The following DENND3 variants were observed in gnomAD, a reference collection of about 807,000 sequenced individuals.
DENND3 encodes DENN domain containing 3, also known as DENN domain-containing protein 3.
A neutral mutation model predicts 135.1 loss-of-function variants in DENND3; 88 were observed. The observed-to-expected ratio is 0.65, with a 90% confidence interval of 0.55 to 0.78. The LOEUF is 0.78. DENND3 is among the 30% of genes least tolerant of loss of function. The pLI is 0.00. For missense variants in DENND3, 1,392 were observed against 1,688.4 expected, an observed-to-expected ratio of 0.82 and a Z score of 3.08; for synonymous variants, 693 against 712.3, an observed-to-expected ratio of 0.97 and a Z score of 0.43.
chr8:141,145,996 G>A (rs1378225534), intron 5 of DENND3, among the ~76,000 whole-genome samples: 1 of 151,164 alleles, frequency 6.6e-6, no homozygotes, highest in Non-Finnish European at 1.5e-5. Flanking sequence ...TTACAGGCGC[G>A]TGCCACCACG....
rs994155182 is a variant in DENND3, at chr8:141,168,059, T to C, written c.1809T>C (p.Phe603=). ...PYTFKIPEIH[F]PLESKCVQAY... ...CATTCAAGATTCCCGAAATCCACTT[T>C]CCGCTGGAGAGCAAGTGCGTGCAGG... The change falls in exon 13 of 23, where the codon TTT becomes TTC. Residue 603 remains phenylalanine, a synonymous_variant. Coordinates refer to ENST00000519811, the MANE Select transcript of DENND3 (RefSeq NM_001352890.3). This position sits in a 1 kb window ranked among gnomAD's most constrained non-coding sequence, Gnocchi z 6.2. 2 of 1,613,908 alleles carry C rather than the reference T, an allele frequency of 1.2e-6. No homozygotes were observed. The highest frequency in any genetic ancestry group is 1.7e-6 in the Non-Finnish European group (2 of 1,179,950).
chr8:141,185,036 G>A, intron 17 of DENND3, 103 bp from the exon 18 acceptor site: 1 of 1,451,198 alleles, frequency 6.9e-7, no homozygotes, highest in Non-Finnish European at 9.3e-7. Flanking sequence ...CATGGGCCTG[G>A]CGCTTAGGAG....
chr8:141,189,143 C>G lies in DENND3; in HGVS notation c.3242C>G (p.Pro1081Arg), dbSNP rs202027868. 1.6e-5 allele frequency: 26 copies of G among 1,614,030 alleles called. No individual in the cohort carries two copies. Among genetic ancestry groups the G allele is most frequent in the Non-Finnish European group, 2.2e-5 (26 of 1,180,006 alleles). Reference sequence around the variant, plus strand: ...ATTGTGCAGGACGGACAGGAGGCACCCAGGTGCAGTAAGCTCTGCTGGGGA... The same window carrying G: ...ATTGTGCAGGACGGACAGGAGGCACGCAGGTGCAGTAAGCTCTGCTGGGGA... ...DLIVQDGQEA[P>R]SNVYSCSMDG... Residue 1081 changes from proline (P) to arginine (R), a missense_variant, in exon 19 of 23, where the codon CCC (proline) becomes CGC (arginine). Transcript: ENST00000519811.
In DENND3 at chr8:141,157,412, A is replaced by G. The variant is rs192024073; in HGVS notation, c.1196+1442A>G. 1.2e-4 allele frequency: 121 copies of G among 985,444 alleles called. 1 individual carries two copies. In the African/African-American group the frequency reaches 2.0e-3, roughly 16 times the overall value. 61.0% of individuals were successfully genotyped at this position (985,444 alleles called of 1,614,324 possible). On this transcript the variant is annotated intron_variant, in intron 8 of 22. Transcript: ENST00000519811. ...CTTCAGCATTTTATAAAATGATAGCAGGAGGAGAGATCCTGCTCTTGAGTC... is the reference window on the plus strand; with the variant it reads ...CTTCAGCATTTTATAAAATGATAGCGGGAGGAGAGATCCTGCTCTTGAGTC...
chr8:141,158,907 C>T (rs150842860), intron 8 of DENND3, among the ~76,000 whole-genome samples: 76 of 152,348 alleles, frequency 5.0e-4, no homozygotes, highest in African/African-American at 1.7e-3. Context: ...ACCCCACTGT[C>T]CCTGCACCAG....
chr8:141,190,834 G>A (rs982563215), intron 20 of DENND3, among the ~76,000 whole-genome samples: 1 of 152,238 alleles, frequency 6.6e-6, no homozygotes, highest in Non-Finnish European at 1.5e-5. Context: ...CCCCTCGGCT[G>A]CTTGGCACAG....
intron 1 of DENND3, among the ~76,000 whole-genome samples, chr8:141,129,451 C>T (rs555572570): frequency 2.9e-4 from 44 of 152,282 alleles, no homozygotes; most frequent in Middle Eastern, 3.4e-3. Context: ...ATCTCTGCAC[C>T]CTCGCAGCCA....
In DENND3 at chr8:141,146,331, G is replaced by T. The variant is rs1818134833; in HGVS notation, c.735+2072G>T. 6.6e-6 allele frequency among the ~76,000 whole-genome samples: 1 copy of T among 152,230 alleles called. No individual in the cohort carries two copies. Among genetic ancestry groups the T allele is most frequent in the African/African-American group, 2.4e-5 (1 of 41,450 alleles). On this transcript the variant is annotated intron_variant, in intron 5 of 22. Transcript: ENST00000519811. The surrounding 1 kb of genome is among the most constrained non-coding windows in gnomAD (Gnocchi z 4.3). ...GCGATTTCAAGACACAGGGTTTGGG[G>T]TTAAGTGAAGCTGGAGATGTGGCTG...
Position 141,138,886 on chromosome 8 carries a change from C to T in DENND3, c.501+749C>T, listed in dbSNP as rs373043867. Among the ~76,000 whole-genome samples the T allele has an allele frequency of 3.9e-5, 6 of 152,168 alleles. No individual in the cohort carries two copies. The highest frequency in any genetic ancestry group is 6.5e-5 in the Admixed American group (1 of 15,276). ...TTGGATGGACCACATTTTATTTCTC[C>T]GTGTATCCGTCGATGGACCTGTGGG... On this transcript the variant is annotated intron_variant, in intron 3 of 22. Transcript: ENST00000519811. This position sits in a 1 kb window ranked among gnomAD's most constrained non-coding sequence, Gnocchi z 4.8.
chr8:141,130,401 A>G lies in DENND3; in HGVS notation c.102+1592A>G, dbSNP rs560805405. ...GCATTCCTGAACTAAACACGCTGCA[A>G]CATTTTCATGTTCCCAGGTCAAGTG... is the stretch of plus-strand genomic sequence containing the variant. On this transcript the variant is annotated intron_variant, in intron 1 of 22. Transcript: ENST00000519811. The surrounding 1 kb of genome is among the most constrained non-coding windows in gnomAD (Gnocchi z 4.2). Among the ~76,000 whole-genome samples the G allele has an allele frequency of 8.4e-4, 127 of 152,042 alleles. 1 individual carries two copies. The highest frequency in any genetic ancestry group is 7.5e-4 in the Non-Finnish European group (51 of 67,984).
intron 18 of DENND3, 51 bp downstream of exon 18, chr8:141,185,329 G>A (rs1823754481): frequency 6.2e-7 from 1 of 1,610,210 alleles, no homozygotes; most frequent in Non-Finnish European, 8.5e-7. Flanking sequence ...CGTGATTTCT[G>A]AAACCCAAGT....
intron 1 of DENND3, among the ~76,000 whole-genome samples, chr8:141,135,157 T>TTTC (rs1816649417): frequency 1.3e-5 from 2 of 149,778 alleles, no homozygotes; most frequent in Admixed American, 1.3e-4. Context: ...TCTTTCTTTT[T>TTTC]TTTTTTTTTT....
chr8:141,179,216 G>A (rs912762230), intron 16 of DENND3, among the ~76,000 whole-genome samples: 1 of 152,254 alleles, frequency 6.6e-6, no homozygotes, highest in Admixed American at 6.5e-5. Context: ...GCCGGGCTCA[G>A]GTGCCTGTGT....
chr8:141,153,153 G>T (rs886175171), intron 7 of DENND3, among the ~76,000 whole-genome samples: 15 of 149,500 alleles, frequency 1.0e-4, no homozygotes, highest in Non-Finnish European at 7.4e-5. Context: ...GAGTGCAATG[G>T]CGTGATCTCG....
intron 2 of DENND3, among the ~76,000 whole-genome samples, 174 bp downstream of exon 2, chr8:141,136,965 T>G (rs2154612704): frequency 6.6e-6 from 1 of 152,224 alleles, no homozygotes; most frequent in Non-Finnish European, 1.5e-5. Flanking sequence ...TTTTTAATTT[T>G]TTATATTTAT....
chr8:141,130,346 A>G lies in DENND3; in HGVS notation c.102+1537A>G, dbSNP rs1815865747. Among the ~76,000 whole-genome samples, 1 of 152,158 alleles carries G rather than the reference A, an allele frequency of 6.6e-6. No individual in the cohort carries two copies. The highest frequency in any genetic ancestry group is 1.5e-5 in the Non-Finnish European group (1 of 68,026). On this transcript the variant is annotated intron_variant, in intron 1 of 22. Transcript: ENST00000519811. This position sits in a 1 kb window ranked among gnomAD's most constrained non-coding sequence, Gnocchi z 4.2. ...CAGCCTTTCAAAGTGCTGGGATTAC[A>G]GGCGTGAGCCACTGCGCCTGGCCAG... is the stretch of plus-strand genomic sequence containing the variant.
At chr8:141,185,576 GC>G in intron 18 of DENND3, 1 of 255,234 alleles carries the variant, frequency 3.9e-6, no homozygotes, top group Non-Finnish European at 7.7e-6. Context: ...TCTAATCTCA[GC>G]ACTTTGGGAG....
chr8:141,156,244 C>T lies in DENND3; in HGVS notation c.1196+274C>T, dbSNP rs1452495431. Among the ~76,000 whole-genome samples the T allele has an allele frequency of 7.9e-5, 12 of 152,022 alleles. No homozygotes were observed. In the South Asian group the frequency reaches 8.3e-4, roughly 11 times the overall value. ...CCTCCCAAGTAGCTGGGATTACAGG[C>T]GCCCACCACCATGCCTGGCTAATTT... On this transcript the variant is annotated intron_variant, in intron 8 of 22. Transcript: ENST00000519811.
intron 13 of DENND3, among the ~76,000 whole-genome samples, chr8:141,169,094 G>A (rs184014496): frequency 8.5e-5 from 13 of 152,346 alleles, no homozygotes; most frequent in East Asian, 1.9e-4. Context: ...CTGACCTCAA[G>A]GTGATCCACC....
Sources: gnomAD v4.1 joint callset for allele counts (sites outside exome capture counted in the v4.1 genomes callset) on GRCh38, gnomAD v4.1.1 for gene constraint, Gnocchi (gnomAD v3.1) non-coding constraint, MANE v1.5 for transcripts, NCBI Gene and HGNC (gene_info 2026-07-23, HGNC 2026-07-21) for gene names.